TBC1D32: variants seen among roughly 807,000 people sequenced by gnomAD.
The protein encoded by TBC1D32 is TBC1 domain family member 32, also known as protein broad-minded.
Under a neutral mutation model 170.3 loss-of-function variants are expected in TBC1D32, and 151 were observed. The ratio of observed to expected loss-of-function variants is 0.89; its 90% CI spans 0.78 to 1.01. The LOEUF (loss-of-function observed/expected upper bound fraction) is 1.01, where lower values mean the gene tolerates loss of function less well. Among genes scored for constraint, TBC1D32 ranks in the 50% least tolerant of loss-of-function variants. The pLI is 0.00. For synonymous variants in TBC1D32, 498 were observed against 488.0 expected (o/e 1.02, Z -0.27); for missense variants, 1,464 against 1,457.1 (o/e 1.00, Z -0.08).
At chr6:121,109,542 A>T (rs1215409032) in intron 29 of TBC1D32, among the ~76,000 whole-genome samples, 8 of 152,114 alleles carry the variant, frequency 5.3e-5, no homozygotes, top group Non-Finnish European at 1.0e-4. Flanking sequence ...CTGATTTTTT[A>T]AAATATATCA....
chr6:121,232,789 A>G (rs1047641721), intron 20 of TBC1D32, among the ~76,000 whole-genome samples: 3 of 151,762 alleles, frequency 2.0e-5, no homozygotes, highest in Non-Finnish European at 4.4e-5. Flanking sequence ...TTGTTTCTCT[A>G]GTTCCATGAG....
In TBC1D32 at chr6:121,159,783, C is replaced by A. The variant is rs552934551; in HGVS notation, c.2773+227G>T. The stretch of plus-strand genomic sequence containing the variant: ...AATGTGGTATAATAATCTTATAAGA[C>A]CACCTTTGTATACTTGGTCCATCAT... On this transcript the variant is annotated intron_variant, in intron 24 of 31. Transcript: ENST00000398212. Among the ~76,000 whole-genome samples, 82 of 152,192 alleles carry A rather than the reference C, an allele frequency of 5.4e-4. 1 individual carries two copies. Among genetic ancestry groups the A allele is most frequent in the Middle Eastern group, 3.4e-3 (1 of 294 alleles).
rs1803002740 is a variant in TBC1D32, at chr6:121,281,680, T to C, written c.1472A>G (p.Tyr491Cys). The change falls in exon 14 of 32, where the codon TAC becomes TGC. Residue 491 changes from tyrosine (Y) to cysteine (C), a missense_variant. Around this residue, in one of 3 missense-constraint regions of TBC1D32, gnomAD observed 1,363 missense variants for 1,338.1 expected, o/e 1.02. Coordinates refer to ENST00000398212, the MANE Select transcript of TBC1D32 (RefSeq NM_152730.6). ...KMTSAAHSENYSPASMVTEVL... is the reference protein window; with the variant it reads ...KMTSAAHSENCSPASMVTEVL... ...TTCAGTCACCATACTTGCAGGAGAG[T>C]AATTCTCTAATAAACAATAAATATT... 6.3e-7 allele frequency: 1 copy of C among 1,583,446 alleles called. No individual in the cohort carries two copies. The highest frequency in any genetic ancestry group is 1.2e-5 in the South Asian group (1 of 85,362).
chr6:121,289,761 A>G (rs1396396801), intron 12 of TBC1D32, among the ~76,000 whole-genome samples: 2 of 151,446 alleles, frequency 1.3e-5, no homozygotes, highest in East Asian at 3.9e-4. Context: ...CTACAAGGCT[A>G]CAGTAACCAA....
At chr6:121,111,138 C>T (rs1779164684) in intron 29 of TBC1D32, among the ~76,000 whole-genome samples, 1 of 152,110 alleles carries the variant, frequency 6.6e-6, no homozygotes, top group Admixed American at 6.5e-5. Context: ...AAATAAAATT[C>T]AAGCTGCTGG....
At chr6:121,241,219 C>A (rs1030779701) in intron 19 of TBC1D32, among the ~76,000 whole-genome samples, 6 of 152,022 alleles carry the variant, frequency 3.9e-5, no homozygotes, top group African/African-American at 1.4e-4. Context: ...TCATTATTTG[C>A]CATTGGTCCG....
intron 4 of TBC1D32, among the ~76,000 whole-genome samples, 184 bp from the exon 5 acceptor site, chr6:121,308,285 GA>G (rs1207068098): frequency 2.0e-5 from 3 of 148,412 alleles, no homozygotes; most frequent in Admixed American, 6.6e-5. Flanking sequence ...GCTAAGCAGA[GA>G]AAAAAAACAG....
intron 22 of TBC1D32, among the ~76,000 whole-genome samples, chr6:121,168,940 C>T (rs1583050032): frequency 6.6e-6 from 1 of 152,046 alleles, no homozygotes; most frequent in South Asian, 2.1e-4. Context: ...AATGGAAAAA[C>T]ATTCCATGCT....
intron 22 of TBC1D32, among the ~76,000 whole-genome samples, chr6:121,180,341 T>C (rs1788344235): frequency 1.3e-5 from 2 of 152,122 alleles, no homozygotes; most frequent in South Asian, 4.1e-4. Context: ...ATTACAAAGC[T>C]ATAGTAACTA....
At chr6:121,153,111 T>TA (rs1326309933) in intron 24 of TBC1D32, among the ~76,000 whole-genome samples, 10 of 152,186 alleles carry the variant, frequency 6.6e-5, no homozygotes, top group Non-Finnish European at 8.8e-5. Flanking sequence ...GGCTTTTTTT[T>TA]ACTGGTTTTT....
At chr6:121,174,422 A>G (rs1787478449) in intron 22 of TBC1D32, among the ~76,000 whole-genome samples, 1 of 152,198 alleles carries the variant, frequency 6.6e-6, no homozygotes, top group African/African-American at 2.4e-5. Context: ...AACTGAATCA[A>G]AAGAGTCAGC....
Position 121,283,820 on chromosome 6 carries a change from GAA to G in TBC1D32, c.1461_1462del (p.Ser488ArgfsTer11). 1.3e-6 allele frequency: 2 copies of G among 1,596,830 alleles called. No homozygotes were observed. The highest frequency in any genetic ancestry group is 1.7e-6 in the Non-Finnish European group (2 of 1,166,892). On this transcript the variant is annotated frameshift_variant, in exon 13 of 32. Transcript: ENST00000398212. LOFTEE classifies it high-confidence loss of function. ...ATTTAAAATAGAAACAGAATTACCTGAATGGGCAGCTGATGTCATCTTTGGAC... is the reference window on the plus strand; with the variant it reads ...ATTTAAAATAGAAACAGAATTACCTGTGGGCAGCTGATGTCATCTTTGGAC...
intron 24 of TBC1D32, among the ~76,000 whole-genome samples, chr6:121,135,604 T>C (rs764160654): frequency 2.6e-4 from 39 of 152,306 alleles, no homozygotes; most frequent in Middle Eastern, 6.8e-3. Flanking sequence ...ATTAGAATAC[T>C]GGAGAGAAAG....
At chr6:121,309,390 GTTA>G (rs1402560052) in intron 4 of TBC1D32, among the ~76,000 whole-genome samples, 1 of 152,000 alleles carries the variant, frequency 6.6e-6, no homozygotes, top group African/African-American at 2.4e-5. Context: ...TTTGAAAGAT[GTTA>G]TTATTTACTA....
At chr6:121,171,541 CTGAA>C (rs1365042322) in intron 22 of TBC1D32, among the ~76,000 whole-genome samples, 1 of 151,898 alleles carries the variant, frequency 6.6e-6, no homozygotes, top group Non-Finnish European at 1.5e-5. Flanking sequence ...GAGATATGCA[CTGAA>C]TGTTTTATAT....
At chr6:121,120,055 C>T (rs1222759773) in intron 26 of TBC1D32, among the ~76,000 whole-genome samples, 2 of 152,098 alleles carry the variant, frequency 1.3e-5, no homozygotes, top group African/African-American at 2.4e-5. Context: ...CAAAAAAATA[C>T]TTGATAAAGG....
chr6:121,226,026 G>C (rs1018864176), intron 20 of TBC1D32, among the ~76,000 whole-genome samples: 1 of 152,054 alleles, frequency 6.6e-6, no homozygotes, highest in Non-Finnish European at 1.5e-5. Flanking sequence ...GTCAACGTTT[G>C]ATATATTTTT....
At chr6:121,179,709 C>T (rs765959151) in intron 22 of TBC1D32, among the ~76,000 whole-genome samples, 18 of 152,082 alleles carry the variant, frequency 1.2e-4, no homozygotes, top group African/African-American at 4.1e-4. Flanking sequence ...CAAAACTGTA[C>T]AAAATATTTG....
intron 22 of TBC1D32, 34 bp downstream of exon 22, chr6:121,205,041 A>C (rs752321950): frequency 8.0e-7 from 1 of 1,250,892 alleles, no homozygotes; most frequent in Admixed American, 2.5e-5. Flanking sequence ...TGGAACATAA[A>C]ATATAATATC....
Sources: gnomAD v4.1 joint callset for allele counts (sites outside exome capture counted in the v4.1 genomes callset) on GRCh38, gnomAD v4.1.1 for gene constraint, gnomAD v4.1.1 regional missense constraint, MANE v1.5 for transcripts, NCBI Gene and HGNC (gene_info 2026-07-23, HGNC 2026-07-21) for gene names.